DOCK2: variants seen among roughly 807,000 people sequenced by gnomAD.
DOCK2 encodes dedicator of cytokinesis 2.
Under a neutral mutation model 248.9 loss-of-function variants are expected in DOCK2, and 87 were observed. The ratio of observed to expected loss-of-function variants is 0.35; its 90% CI spans 0.29 to 0.42. The LOEUF is 0.42. Among genes scored for constraint, DOCK2 ranks in the 10% least tolerant of loss-of-function variants. The pLI is 1.00. For synonymous variants in DOCK2, 805 were observed against 821.6 expected (o/e 0.98, Z 0.35); for missense variants, 1,747 against 2,300.2 (o/e 0.76, Z 4.92).
intron 27 of DOCK2, among the ~76,000 whole-genome samples, chr5:169,930,487 A>G: frequency 6.6e-6 from 1 of 152,180 alleles, no homozygotes; most frequent in East Asian, 1.9e-4. Context: ...TGTGAGCTTC[A>G]TTCATGGTAA....
intron 26 of DOCK2, among the ~76,000 whole-genome samples, chr5:169,814,060 A>G (rs539223187): frequency 6.6e-6 from 1 of 152,252 alleles, no homozygotes. Flanking sequence ...ACTAAAAGTC[A>G]TGGACAAAAA....
At chr5:169,986,585 A>G (rs1778075146) in intron 29 of DOCK2, among the ~76,000 whole-genome samples, 1 of 152,240 alleles carries the variant, frequency 6.6e-6, no homozygotes, top group African/African-American at 2.4e-5. Context: ...TCATTTCACC[A>G]AAGTAAAATC....
At chr5:169,804,725 G>T (rs919893080) in intron 26 of DOCK2, among the ~76,000 whole-genome samples, 2 of 152,076 alleles carry the variant, frequency 1.3e-5, no homozygotes, top group African/African-American at 4.8e-5. Flanking sequence ...AGCATTCAAG[G>T]CCAAATAAAT....
chr5:170,067,294 A>G (rs962868545), intron 44 of DOCK2, among the ~76,000 whole-genome samples: 4 of 150,936 alleles, frequency 2.7e-5, no homozygotes, highest in Non-Finnish European at 5.9e-5. Context: ...CTGCCTCCCC[A>G]AAGAAATCCC....
intron 30 of DOCK2, among the ~76,000 whole-genome samples, chr5:169,997,548 C>T (rs1204570632): frequency 6.6e-5 from 9 of 136,414 alleles, no homozygotes; most frequent in Non-Finnish European, 1.2e-4. Flanking sequence ...TGCGGCCTTC[C>T]GCAGTTTTTG....
intron 26 of DOCK2, among the ~76,000 whole-genome samples, chr5:169,831,550 C>T (rs1769229452): frequency 6.6e-6 from 1 of 152,210 alleles, no homozygotes; most frequent in East Asian, 1.9e-4. Flanking sequence ...GAGGCAGTCA[C>T]AAGCCTGGAC....
At chr5:169,689,210 AG>A (rs1484331213) in intron 8 of DOCK2, 41 bp from the exon 9 acceptor site, 1 of 1,594,910 alleles carries the variant, frequency 6.3e-7, no homozygotes, top group Non-Finnish European at 8.6e-7. Context: ...AATGGATGTC[AG>A]GTCCCTTGGC....
chr5:169,683,083 C>A (rs1463339178), intron 7 of DOCK2, among the ~76,000 whole-genome samples: 1 of 152,188 alleles, frequency 6.6e-6, no homozygotes, highest in East Asian at 1.9e-4. Context: ...ACTAATGCAA[C>A]TATGAACATT....
chr5:169,740,473 T>C (rs1159040717), intron 22 of DOCK2, among the ~76,000 whole-genome samples: 3 of 152,240 alleles, frequency 2.0e-5, no homozygotes, highest in Non-Finnish European at 2.9e-5. Flanking sequence ...AAGATGTTAG[T>C]GAATCTCCTT....
chr5:169,807,782 C>A (rs998909696), intron 26 of DOCK2, among the ~76,000 whole-genome samples: 1 of 129,234 alleles, frequency 7.7e-6, no homozygotes, highest in Non-Finnish European at 1.6e-5. Context: ...TGCAGTGAGC[C>A]GAGATCATGG....
At chr5:169,919,198 T>C (rs1469553916) in intron 27 of DOCK2, among the ~76,000 whole-genome samples, 4 of 152,222 alleles carry the variant, frequency 2.6e-5, no homozygotes, top group Admixed American at 2.6e-4. Context: ...TTGTTTTGAA[T>C]TGAAGTAACT....
At chr5:169,670,361 A>G (rs1436011239) in intron 3 of DOCK2, among the ~76,000 whole-genome samples, 181 bp from the exon 4 acceptor site, 2 of 152,210 alleles carry the variant, frequency 1.3e-5, no homozygotes, top group African/African-American at 2.4e-5. Context: ...AGCCAGATCT[A>G]AACAAGTAGA....
chr5:169,765,496 A>G (rs534408662), intron 25 of DOCK2, among the ~76,000 whole-genome samples: 2 of 152,360 alleles, frequency 1.3e-5, no homozygotes, highest in South Asian at 4.1e-4. Context: ...GAAAGCTCCA[A>G]GAGGAGTCTA....
At position 169,645,848 on chromosome 5, in the gene DOCK2, C is replaced by T. The variant is rs574661539; in HGVS notation, c.43+8479C>T. 6.8e-4 allele frequency among the ~76,000 whole-genome samples: 103 copies of T among 152,194 alleles called. 1 individual carries two copies. The highest frequency in any genetic ancestry group is 2.3e-3 in the African/African-American group (97 of 41,512). ...CTGCAAGCTCCACCTCCTGGGTTCA[C>T]GCCATTCTCCTGCCTCAGCCTCCCG... is the stretch of plus-strand genomic sequence containing the variant. On this transcript the variant is annotated intron_variant, in intron 1 of 51. Transcript: ENST00000520908.
At chr5:170,035,183 G>A (rs977379298) in intron 35 of DOCK2, among the ~76,000 whole-genome samples, 10 of 152,214 alleles carry the variant, frequency 6.6e-5, no homozygotes, top group Admixed American at 5.2e-4. Flanking sequence ...TCTCTCACAC[G>A]CTCTGTGATT....
chr5:169,730,429 G>T (rs1354590930), intron 22 of DOCK2, among the ~76,000 whole-genome samples: 1 of 152,178 alleles, frequency 6.6e-6, no homozygotes. Flanking sequence ...GAGAACAGGA[G>T]AAAGATGAAT....
At chr5:169,762,686 A>C (rs528358022) in intron 25 of DOCK2, among the ~76,000 whole-genome samples, 6 of 152,342 alleles carry the variant, frequency 3.9e-5, no homozygotes, top group African/African-American at 1.4e-4. Context: ...AGGGTGAAGA[A>C]ATGACTTTTC....
intron 2 of DOCK2, among the ~76,000 whole-genome samples, chr5:169,661,898 A>G (rs2113230116): frequency 6.6e-6 from 1 of 152,274 alleles, no homozygotes; most frequent in East Asian, 1.9e-4. Flanking sequence ...TATCTTGGCT[A>G]TTGTGAATAA....
At chr5:170,052,079 G>A (rs1232706325) in intron 41 of DOCK2, among the ~76,000 whole-genome samples, 1 of 152,218 alleles carries the variant, frequency 6.6e-6, no homozygotes, top group African/African-American at 2.4e-5. Flanking sequence ...TCCCAGCATT[G>A]CACCGTTTAG....
Sources: gnomAD v4.1 joint callset for allele counts (sites outside exome capture counted in the v4.1 genomes callset) on GRCh38, gnomAD v4.1.1 for gene constraint, MANE v1.5 for transcripts, NCBI Gene and HGNC (gene_info 2026-07-23, HGNC 2026-07-21) for gene names.